GPC5: variants seen among roughly 807,000 people sequenced by gnomAD.
GPC5 encodes glypican-5.
A neutral mutation model predicts 53.9 loss-of-function variants in GPC5; 47 were observed. That is an observed-to-expected ratio of 0.87 (90% CI 0.69 to 1.11). The LOEUF (loss-of-function observed/expected upper bound fraction) is 1.11, where lower values mean the gene tolerates loss of function less well. Among genes scored for constraint, GPC5 ranks in the 50% most tolerant of loss-of-function variants. GPC5 has a pLI of 0.00. For missense variants in GPC5, 748 were observed against 713.1 expected (o/e 1.05, Z -0.56); for synonymous variants, 286 against 263.3 (o/e 1.09, Z -0.84).
chr13:92,380,337 C>A (rs1201070264), intron 7 of GPC5, among the ~76,000 whole-genome samples: 1 of 152,164 alleles, frequency 6.6e-6, no homozygotes, highest in Non-Finnish European at 1.5e-5. Context: ...GAAAACTCAT[C>A]AAATTTCCTT....
At chr13:92,255,146 C>T (rs1019134134) in intron 7 of GPC5, among the ~76,000 whole-genome samples, 3 of 152,072 alleles carry the variant, frequency 2.0e-5, no homozygotes, top group African/African-American at 7.2e-5. Flanking sequence ...TGAGCATCCA[C>T]GGATTTTGAT....
chr13:92,203,959 C>T (rs1224612558), intron 7 of GPC5, among the ~76,000 whole-genome samples: 1 of 152,020 alleles, frequency 6.6e-6, no homozygotes, highest in Admixed American at 6.6e-5. Flanking sequence ...TAGCTAACTT[C>T]TCAATAGTAA....
intron 7 of GPC5, among the ~76,000 whole-genome samples, chr13:92,573,606 C>T (rs1201862289): frequency 1.3e-5 from 2 of 151,982 alleles, no homozygotes; most frequent in Non-Finnish European, 2.9e-5. Flanking sequence ...TAAAATTTCT[C>T]GGTAGAGGGC....
chr13:91,623,350 A>C (rs771632733), intron 2 of GPC5, among the ~76,000 whole-genome samples: 2 of 152,138 alleles, frequency 1.3e-5, no homozygotes, highest in Non-Finnish European at 2.9e-5. Flanking sequence ...GTTTGTATGC[A>C]AGGGAAAGTC....
chr13:92,835,856 T>TGTATCTTG (rs772617192), intron 7 of GPC5, among the ~76,000 whole-genome samples: 71 of 152,116 alleles, frequency 4.7e-4, no homozygotes, highest in Admixed American at 1.4e-3. Context: ...CAGCAATATG[T>TGTATCTTG]GTATCTTGTG....
chr13:92,698,247 T>C (rs947362095), intron 7 of GPC5, among the ~76,000 whole-genome samples: 1 of 150,192 alleles, frequency 6.7e-6, no homozygotes. Context: ...ACATGTGCCA[T>C]GTTGGTGTGC....
chr13:92,258,648 A>G (rs1418163057), intron 7 of GPC5, among the ~76,000 whole-genome samples: 1 of 152,234 alleles, frequency 6.6e-6, no homozygotes, highest in East Asian at 1.9e-4. Context: ...AATCTTAAAA[A>G]AATGTCGTTA....
intron 2 of GPC5, among the ~76,000 whole-genome samples, chr13:91,684,727 T>C (rs778986713): frequency 4.6e-5 from 7 of 152,196 alleles, no homozygotes; most frequent in Non-Finnish European, 8.8e-5. Context: ...TCAGCCACTG[T>C]TATCCTTTAA....
At chr13:92,536,512 G>A (rs1048051643) in intron 7 of GPC5, among the ~76,000 whole-genome samples, 3 of 152,116 alleles carry the variant, frequency 2.0e-5, no homozygotes, top group Admixed American at 6.6e-5. Flanking sequence ...TACAGGTGGC[G>A]CTGAGAAAAT....
intron 2 of GPC5, among the ~76,000 whole-genome samples, chr13:91,512,582 A>G (rs963051895): frequency 6.6e-6 from 1 of 151,922 alleles, no homozygotes; most frequent in Non-Finnish European, 1.5e-5. Flanking sequence ...TCACTTTCAA[A>G]CCTCCTGCCC....
chr13:91,774,676 C>T (rs2037680773), intron 5 of GPC5, among the ~76,000 whole-genome samples: 1 of 152,054 alleles, frequency 6.6e-6, no homozygotes, highest in Non-Finnish European at 1.5e-5. Context: ...ACCCAAAGTC[C>T]ATGCTCTGCT....
rs543609037 is a variant in GPC5, at chr13:92,780,567, C to T, written c.1562-85715C>T. ...TGATAATGCTCATTAGCTTTAAAGTCAGAGGGGACATTTTCTAATAATATG... is the reference window on the plus strand; with the variant it reads ...TGATAATGCTCATTAGCTTTAAAGTTAGAGGGGACATTTTCTAATAATATG... On this transcript the variant is annotated intron_variant, in intron 7 of 7. Transcript: ENST00000377067. 2.0e-5 allele frequency among the ~76,000 whole-genome samples: 3 copies of T among 152,094 alleles called. No individual in the cohort carries two copies. In the East Asian group the frequency reaches 5.8e-4, roughly 29 times the overall value.
intron 6 of GPC5, among the ~76,000 whole-genome samples, chr13:91,980,551 ATT>A (rs1191895119): frequency 6.6e-6 from 1 of 152,158 alleles, no homozygotes; most frequent in Non-Finnish European, 1.5e-5. Flanking sequence ...CCATAGATTC[ATT>A]TTGTTTGTTT....
intron 7 of GPC5, among the ~76,000 whole-genome samples, chr13:92,248,308 T>G (rs1387733394): frequency 3.9e-5 from 6 of 152,072 alleles, no homozygotes. Flanking sequence ...CAAGCTTAGG[T>G]TCCTGGCAAT....
At chr13:91,419,759 G>T (rs1055646826) in intron 1 of GPC5, among the ~76,000 whole-genome samples, 3 of 152,110 alleles carry the variant, frequency 2.0e-5, no homozygotes, top group African/African-American at 7.2e-5. Context: ...TGTTAGAATA[G>T]AAAAAATGAT....
chr13:92,605,042 G>A (rs899839387), intron 7 of GPC5, among the ~76,000 whole-genome samples: 1 of 152,178 alleles, frequency 6.6e-6, no homozygotes, highest in African/African-American at 2.4e-5. Flanking sequence ...CAGACGAATT[G>A]CTGAATTATT....
At chr13:92,484,846 T>G (rs1879495400) in intron 7 of GPC5, among the ~76,000 whole-genome samples, 1 of 152,162 alleles carries the variant, frequency 6.6e-6, no homozygotes, top group African/African-American at 2.4e-5. Flanking sequence ...ACAATTCTCC[T>G]GCCTCAGCCT....
intron 4 of GPC5, among the ~76,000 whole-genome samples, chr13:91,735,134 T>A (rs2036786365): frequency 6.6e-6 from 1 of 151,336 alleles, no homozygotes; most frequent in Non-Finnish European, 1.5e-5. Flanking sequence ...ATCAAGGTTA[T>A]CAAGTTTTCT....
intron 2 of GPC5, among the ~76,000 whole-genome samples, chr13:91,611,919 T>A (rs192329383): frequency 2.6e-5 from 4 of 152,272 alleles, no homozygotes; most frequent in Admixed American, 6.5e-5. Context: ...CTAGACTTCC[T>A]TGTGTTGTCT....
Sources: gnomAD v4.1 joint callset for allele counts (sites outside exome capture counted in the v4.1 genomes callset) on GRCh38, gnomAD v4.1.1 for gene constraint, MANE v1.5 for transcripts, NCBI Gene and HGNC (gene_info 2026-07-23, HGNC 2026-07-21) for gene names.